CLASP1: variants seen among roughly 807,000 people sequenced by gnomAD.
The protein encoded by CLASP1 is cytoplasmic linker associated protein 1, also known as CLIP-associating protein 1.
A neutral mutation model predicts 192.3 loss-of-function variants in CLASP1; 38 were observed. That is an observed-to-expected ratio of 0.20 (90% confidence interval 0.15 to 0.26). The LOEUF is 0.26. CLASP1 is among the 10% of genes least tolerant of loss of function. CLASP1 has a pLI of 1.00. For missense variants in CLASP1, 1,433 were observed against 1,932.5 expected (o/e 0.74, Z 4.85); for synonymous variants, 691 against 712.8 (o/e 0.97, Z 0.49).
At chr2:121,416,140 G>A (rs962000057) in intron 23 of CLASP1, among the ~76,000 whole-genome samples, 1 of 152,112 alleles carries the variant, frequency 6.6e-6, no homozygotes, top group Non-Finnish European at 1.5e-5. Flanking sequence ...CTTAAAAAGT[G>A]GTCCTTTAGT....
chr2:121,611,846 C>A (rs560890561), intron 1 of CLASP1, among the ~76,000 whole-genome samples: 1,583 of 87,154 alleles, frequency 0.018, 32 homozygotes, highest in African/African-American at 0.064. Context: ...GAGGAGGAGG[C>A]ATTGGAGGAG....
At chr2:121,603,724 TATTA>T (rs1409579057) in intron 2 of CLASP1, among the ~76,000 whole-genome samples, 3 of 152,196 alleles carry the variant, frequency 2.0e-5, no homozygotes, top group African/African-American at 7.2e-5. Flanking sequence ...TTCAATGGAA[TATTA>T]ATTAGCCATG....
At chr2:121,525,169 A>C (rs2104634815) in intron 6 of CLASP1, among the ~76,000 whole-genome samples, 1 of 152,282 alleles carries the variant, frequency 6.6e-6, no homozygotes, top group African/African-American at 2.4e-5. Flanking sequence ...ATGACATAAT[A>C]AAAATGACTC....
intron 1 of CLASP1, among the ~76,000 whole-genome samples, chr2:121,638,490 G>T (rs374550157): frequency 5.9e-5 from 9 of 152,014 alleles, no homozygotes; most frequent in African/African-American, 1.4e-4. Context: ...ATACCCAAAA[G>T]AAATGAAAAC....
intron 37 of CLASP1, among the ~76,000 whole-genome samples, chr2:121,354,993 C>T (rs950128776): frequency 1.3e-4 from 20 of 152,086 alleles, no homozygotes; most frequent in Non-Finnish European, 2.2e-4. Flanking sequence ...CTCTATTGCC[C>T]TTCAGGTTAA....
rs575094207 is a variant in CLASP1 at position 121,525,872 on chromosome 2, G to A, written c.519C>T (p.Cys173=). Residue 173 remains cysteine (C), a synonymous_variant, in exon 6 of 40, where the codon TGC becomes TGT. Coordinates refer to ENST00000263710, the Ensembl canonical transcript of CLASP1. ...GGCTGTTTGGATCTCCAAGTAAGTT[G>A]CATATATGTGGCACAATCTTGCTTA... The A allele has an allele frequency of 7.4e-6, 12 of 1,613,376 alleles. No homozygotes were observed. In the East Asian group the frequency reaches 1.8e-4, roughly 24 times the overall value.
chr2:121,537,050 TG>T (rs1441739991), intron 2 of CLASP1, among the ~76,000 whole-genome samples: 2 of 152,184 alleles, frequency 1.3e-5, no homozygotes, highest in African/African-American at 4.8e-5. Flanking sequence ...TGGTGATGGT[TG>T]TATAACTCTG....
At chr2:121,423,828 A>G (rs985622438) in intron 22 of CLASP1, among the ~76,000 whole-genome samples, 1 of 152,252 alleles carries the variant, frequency 6.6e-6, no homozygotes, top group African/African-American at 2.4e-5. Flanking sequence ...TGCTTTGGAA[A>G]TAGGATTTCA....
intron 37 of CLASP1, among the ~76,000 whole-genome samples, chr2:121,362,608 T>C (rs1324177454): frequency 6.6e-6 from 1 of 152,236 alleles, no homozygotes; most frequent in African/African-American, 2.4e-5. Context: ...GGAAGGTCAG[T>C]ACAGCAGCCT....
chr2:121,370,554 A>G (rs2068425718), intron 34 of CLASP1, among the ~76,000 whole-genome samples: 1 of 152,100 alleles, frequency 6.6e-6, no homozygotes, highest in Non-Finnish European at 1.5e-5. Flanking sequence ...GGAACTCCCG[A>G]CCTCAGGTGA....
chr2:121,480,293 G>A (rs1575310259), intron 8 of CLASP1, among the ~76,000 whole-genome samples: 1 of 152,364 alleles, frequency 6.6e-6, no homozygotes, highest in East Asian at 1.9e-4. Context: ...TTCCACAGAT[G>A]CCTGCTCCTT....
At chr2:121,507,244 G>T (rs1488521208) in intron 7 of CLASP1, among the ~76,000 whole-genome samples, 1 of 152,022 alleles carries the variant, frequency 6.6e-6, no homozygotes, top group African/African-American at 2.4e-5. Context: ...CAAACAGAAA[G>T]AATATATTTA....
At chr2:121,453,072 A>C (rs2085857721) in intron 14 of CLASP1, among the ~76,000 whole-genome samples, 1 of 152,168 alleles carries the variant, frequency 6.6e-6, no homozygotes, top group South Asian at 2.1e-4. Flanking sequence ...GGATCACCTG[A>C]AGCCAGGCAT....
chr2:121,450,312 C>A (rs991487277), intron 16 of CLASP1, among the ~76,000 whole-genome samples: 28 of 145,856 alleles, frequency 1.9e-4, no homozygotes, highest in African/African-American at 6.6e-4. Context: ...GCCTGGGCAA[C>A]AAAATGAGAC....
At chr2:121,594,584 G>A (rs1239186096) in intron 2 of CLASP1, among the ~76,000 whole-genome samples, 1 of 151,804 alleles carries the variant, frequency 6.6e-6, no homozygotes, top group Non-Finnish European at 1.5e-5. Context: ...GTAGAGACGG[G>A]GTTTCACCTT....
exon 11 of CLASP1, chr2:121,461,137 A>G (rs1199358147): frequency 3.1e-6 from 5 of 1,607,436 alleles, no homozygotes; most frequent in Non-Finnish European, 4.2e-6. Flanking sequence ...GCTTGTCATC[A>G]GATAATATTT....
At chr2:121,382,861 T>C (rs1037154799) in intron 32 of CLASP1, among the ~76,000 whole-genome samples, 12 of 152,206 alleles carry the variant, frequency 7.9e-5, no homozygotes, top group African/African-American at 9.7e-5. Context: ...TGTGATCCAG[T>C]TGGATGGCGT....
intron 6 of CLASP1, among the ~76,000 whole-genome samples, chr2:121,517,149 G>T (rs2094320884): frequency 6.6e-6 from 1 of 152,182 alleles, no homozygotes; most frequent in South Asian, 2.1e-4. Context: ...AATGTTAACT[G>T]GTAAATACAC....
At chr2:121,434,582 ACT>A (rs2081993775) in intron 19 of CLASP1, among the ~76,000 whole-genome samples, 1 of 151,308 alleles carries the variant, frequency 6.6e-6, no homozygotes, top group African/African-American at 2.4e-5. Context: ...TACCTTTAAA[ACT>A]CTACTGATCC....
Sources: gnomAD v4.1 joint callset for allele counts (sites outside exome capture counted in the v4.1 genomes callset) on GRCh38, gnomAD v4.1.1 for gene constraint, MANE v1.5 for transcripts, NCBI Gene and HGNC (gene_info 2026-07-23, HGNC 2026-07-21) for gene names.